Variants in SPDYA observed in about 807,000 individuals in gnomAD.
SPDYA encodes speedy protein A.
A neutral mutation model predicts 36.7 loss-of-function variants in SPDYA; 11 were observed. That is an observed-to-expected ratio of 0.30 (90% CI 0.19 to 0.50). The LOEUF (loss-of-function observed/expected upper bound fraction) is 0.50, where lower values mean the gene tolerates loss of function less well. Among genes scored for constraint, SPDYA ranks in the 20% least tolerant of loss-of-function variants. SPDYA has a pLI of 0.98. For missense variants in SPDYA, 287 were observed against 370.9 expected, an observed-to-expected ratio of 0.77 and a Z score of 1.86; for synonymous variants, 115 against 118.7, an observed-to-expected ratio of 0.97 and a Z score of 0.20.
intron 6 of SPDYA, among the ~76,000 whole-genome samples, chr2:28,829,981 A>AG (rs1338546769): frequency 1.4e-5 from 2 of 145,620 alleles, no homozygotes; most frequent in African/African-American, 5.1e-5. Context: ...AAAAAGAAAA[A>AG]TACAAAAATT....
In SPDYA at chr2:28,822,390, G is replaced by C; in HGVS notation, c.360G>C (p.Arg120Ser). The change falls in exon 5 of 8, where the codon AGG becomes AGC. Residue 120 changes from arginine to serine, a missense_variant. By Grantham distance (110) the Arg-to-Ser change is moderately radical. Coordinates refer to ENST00000334056, the MANE Select transcript of SPDYA (RefSeq NM_182756.4). ...RAKFTISEHT[R>S]INFFIALYLA... ...AATTTACTATAAGTGAGCATACCAG[G>C]ATAAATTTCTTTATTGCTCTGTAAG... 1 of 1,564,690 alleles carries C rather than the reference G, an allele frequency of 6.4e-7. No individual in the cohort carries two copies.
intron 7 of SPDYA, among the ~76,000 whole-genome samples, chr2:28,841,774 T>C (rs1364169854): frequency 6.6e-6 from 1 of 152,164 alleles, no homozygotes; most frequent in Non-Finnish European, 1.5e-5. Context: ...TTTCAACACC[T>C]TCAGGCATAT....
At chr2:28,844,217 T>A (rs116001869) in intron 7 of SPDYA, among the ~76,000 whole-genome samples, 1 of 152,172 alleles carries the variant, frequency 6.6e-6, no homozygotes, top group Non-Finnish European at 1.5e-5. Context: ...ATGATCAACA[T>A]TGAGGAGCAC....
chr2:28,846,654 C>A (rs1176511777), intron 7 of SPDYA, among the ~76,000 whole-genome samples: 1 of 148,412 alleles, frequency 6.7e-6, no homozygotes, highest in African/African-American at 2.5e-5. Flanking sequence ...GAAGAAAGAG[C>A]TTAAGCTGGG....
intron 3 of SPDYA, 152 bp downstream of exon 3, chr2:28,816,401 T>G: frequency 1.6e-6 from 1 of 618,748 alleles, no homozygotes; most frequent in East Asian, 3.1e-5. Flanking sequence ...TTTTACTTAG[T>G]CTTTTTTTTT....
At chr2:28,824,725 A>G (rs1314246393) in intron 5 of SPDYA, among the ~76,000 whole-genome samples, 4 of 150,844 alleles carry the variant, frequency 2.7e-5, no homozygotes, top group Non-Finnish European at 5.9e-5. Flanking sequence ...TTTTTTTTGT[A>G]TTTTTAGTAG....
At position 28,811,228 on chromosome 2, in the gene SPDYA, G is replaced by GGGTGAAGGTTCCA. The variant is rs1264198092; in HGVS notation, c.-93+284_-93+296dup. The GGGTGAAGGTTCCA allele has an allele frequency of 6.6e-5, 10 of 152,496 alleles. No individual in the cohort carries two copies. The highest frequency in any genetic ancestry group is 2.2e-4 in the African/African-American group (9 of 41,472). The allele number at this position is 152,496 out of a possible 1,614,324, so 9.4% of individuals were successfully genotyped here. On this transcript the variant is annotated intron_variant, in intron 1 of 7. Transcript: ENST00000334056. The surrounding 1 kb of genome is among the most constrained non-coding windows in gnomAD (Gnocchi z 4.2). The stretch of plus-strand genomic sequence containing the variant: ...GCCGCCCTCCGCCCGGCGGCGTAGC[G>GGGTGAAGGTTCCA]GGTGAAGGTTCCAGGGGAAGGACGG...
chr2:28,836,225 T>C (rs1272870145), intron 6 of SPDYA, among the ~76,000 whole-genome samples: 1 of 152,242 alleles, frequency 6.6e-6, no homozygotes, highest in Non-Finnish European at 1.5e-5. Context: ...TCATAGAAGT[T>C]GCAGAGCCAG....
At chr2:28,832,599 A>C (rs1572507128) in intron 6 of SPDYA, among the ~76,000 whole-genome samples, 1 of 152,150 alleles carries the variant, frequency 6.6e-6, no homozygotes, top group Non-Finnish European at 1.5e-5. Flanking sequence ...ACTCCTTGAC[A>C]CAGACCTCCA....
intron 7 of SPDYA, chr2:28,840,903 A>C: frequency 1.0e-5 from 4 of 390,042 alleles, no homozygotes; most frequent in South Asian, 1.1e-4. Context: ...GTATTTTCCC[A>C]TGTCATTATT....
rs780274293 is a variant in SPDYA, at chr2:28,824,553, C to CT, written c.380+2154dup. Reference sequence around the variant, plus strand: ...TTTTTTCTTTTTCTTTTCTTTCTTTCTTTTTTTTTTTGTGACAGAGTCTCT... The same window carrying CT: ...TTTTTTCTTTTTCTTTTCTTTCTTTCTTTTTTTTTTTTGTGACAGAGTCTCT... On this transcript the variant is annotated intron_variant, in intron 5 of 7. Transcript: ENST00000334056. Among the ~76,000 whole-genome samples, 66 of 133,296 alleles carry CT rather than the reference C, an allele frequency of 5.0e-4. 2 individuals are homozygous for CT. The highest frequency in any genetic ancestry group is 2.4e-3 in the East Asian group (11 of 4,610). 87.4% of individuals were successfully genotyped at this position (133,296 alleles called of 152,430 possible). A position where few individuals can be genotyped will look rare whatever the true frequency, so the allele number is the denominator to read the frequency against.
intron 5 of SPDYA, among the ~76,000 whole-genome samples, chr2:28,822,631 A>C (rs1668197195): frequency 6.6e-6 from 1 of 151,972 alleles, no homozygotes; most frequent in African/African-American, 2.4e-5. Context: ...ATTTTTGAGA[A>C]GGAATCTCGC....
intron 5 of SPDYA, 126 bp downstream of exon 5, chr2:28,822,536 TG>T: frequency 2.4e-6 from 1 of 410,978 alleles, no homozygotes; most frequent in Non-Finnish European, 4.4e-6. Flanking sequence ...AAATGCTGTA[TG>T]TTTTTTACTT....
chr2:28,844,566 C>T (rs1010504608), intron 7 of SPDYA, among the ~76,000 whole-genome samples: 18 of 152,144 alleles, frequency 1.2e-4, no homozygotes, highest in African/African-American at 3.4e-4. Flanking sequence ...CTAATGTAAG[C>T]GTTCTGAGCA....
intron 4 of SPDYA, among the ~76,000 whole-genome samples, chr2:28,819,908 T>A (rs1668114078): frequency 8.8e-6 from 1 of 113,598 alleles, no homozygotes; most frequent in Non-Finnish European, 1.7e-5. Flanking sequence ...ATATATTTTA[T>A]CCTGAGGCAG....
chr2:28,816,721 A>C (rs1452078784), intron 3 of SPDYA, among the ~76,000 whole-genome samples: 2 of 152,214 alleles, frequency 1.3e-5, no homozygotes, highest in South Asian at 2.1e-4. Context: ...AAAATTAACT[A>C]TGCTTTATCA....
rs920920621 is a variant in SPDYA, at chr2:28,850,116, A to G, written c.*175A>G. 107 of 1,357,602 alleles carry G rather than the reference A, an allele frequency of 7.9e-5. No individual in the cohort carries two copies. Among genetic ancestry groups the G allele is most frequent in the Non-Finnish European group, 1.1e-4 (103 of 968,966 alleles). 84.1% of individuals were successfully genotyped at this position (1,357,602 alleles called of 1,614,324 possible). ...GTCATAGTAATAGCTAAAAATGCCA[A>G]TCTATGGAAGCAGTGATTTTCAATA... On this transcript the variant is annotated 3_prime_UTR_variant, in exon 8 of 8. Transcript: ENST00000334056.
chr2:28,848,522 G>C (rs1469751407), intron 7 of SPDYA, among the ~76,000 whole-genome samples: 1 of 152,110 alleles, frequency 6.6e-6, no homozygotes, highest in African/African-American at 2.4e-5. Context: ...GTACTTCTTT[G>C]GGGGGAATTT....
chr2:28,845,101 C>T (rs1206556694), intron 7 of SPDYA, among the ~76,000 whole-genome samples: 3 of 151,808 alleles, frequency 2.0e-5, no homozygotes, highest in Non-Finnish European at 4.4e-5. Flanking sequence ...TTTTTTCCCC[C>T]ACCAGCCAGG....
Sources: gnomAD v4.1 joint callset for allele counts (sites outside exome capture counted in the v4.1 genomes callset) on GRCh38, gnomAD v4.1.1 for gene constraint, Gnocchi (gnomAD v3.1) non-coding constraint, MANE v1.5 for transcripts, NCBI Gene and HGNC (gene_info 2026-07-23, HGNC 2026-07-21) for gene names.